The following AGBL4 variants were observed in gnomAD, a reference collection of about 807,000 sequenced individuals.
AGBL4 encodes cytosolic carboxypeptidase 6.
A neutral mutation model predicts 66.4 loss-of-function variants in AGBL4; 58 were observed. That is an observed-to-expected ratio of 0.87 (90% CI 0.71 to 1.09). The LOEUF (loss-of-function observed/expected upper bound fraction) is 1.09, where lower values mean the gene tolerates loss of function less well. AGBL4 is among the 50% of genes least tolerant of loss of function. The pLI is 0.00. For missense variants in AGBL4, 579 were observed against 631.0 expected (o/e 0.92, Z 0.88); for synonymous variants, 234 against 222.9 (o/e 1.05, Z -0.44).
chr1:49,183,950 C>T (rs1221674448), intron 4 of AGBL4, among the ~76,000 whole-genome samples: 2 of 152,118 alleles, frequency 1.3e-5, no homozygotes, highest in South Asian at 2.1e-4. Context: ...AGACTATCTA[C>T]CTGAATTACT....
At chr1:48,880,425 A>T (rs1014480106) in intron 5 of AGBL4, among the ~76,000 whole-genome samples, 4 of 152,146 alleles carry the variant, frequency 2.6e-5, no homozygotes, top group African/African-American at 9.7e-5. Context: ...TGCTGTAAAC[A>T]TACATGTGCA....
intron 3 of AGBL4, among the ~76,000 whole-genome samples, chr1:49,656,184 A>G (rs770416707): frequency 9.0e-4 from 137 of 152,246 alleles, no homozygotes; most frequent in Admixed American, 2.2e-3. Context: ...CCCACCACCA[A>G]TCCCACAGAA....
chr1:49,356,491 A>G (rs546931796), intron 3 of AGBL4, among the ~76,000 whole-genome samples: 28 of 152,344 alleles, frequency 1.8e-4, no homozygotes, highest in Non-Finnish European at 3.4e-4. Context: ...TGTCTCTTCT[A>G]TCACCTTACA....
At chr1:49,171,534 C>T (rs530990893) in intron 4 of AGBL4, among the ~76,000 whole-genome samples, 179 of 151,946 alleles carry the variant, frequency 1.2e-3, no homozygotes, top group African/African-American at 3.9e-3. Context: ...ACCCTGGAAA[C>T]GAGTGATGTA....
intron 6 of AGBL4, among the ~76,000 whole-genome samples, chr1:48,698,315 A>G (rs1356576563): frequency 6.6e-6 from 1 of 152,228 alleles, no homozygotes; most frequent in East Asian, 1.9e-4. Context: ...AAACCAGAGC[A>G]TGGGCCTGGC....
chr1:49,330,918 C>A (rs1296671854), intron 3 of AGBL4, among the ~76,000 whole-genome samples: 1 of 152,104 alleles, frequency 6.6e-6, no homozygotes, highest in Non-Finnish European at 1.5e-5. Flanking sequence ...CCATGGAGAA[C>A]AGAGGAAAGC....
intron 4 of AGBL4, among the ~76,000 whole-genome samples, chr1:49,167,367 C>T (rs1480687431): frequency 1.3e-5 from 2 of 152,186 alleles, no homozygotes; most frequent in Non-Finnish European, 2.9e-5. Flanking sequence ...ATTTCTACTT[C>T]TCTATCTGAC....
chr1:49,097,146 C>G (rs1442487389), intron 4 of AGBL4, among the ~76,000 whole-genome samples: 1 of 152,124 alleles, frequency 6.6e-6, no homozygotes, highest in Non-Finnish European at 1.5e-5. Context: ...AATATACATA[C>G]TTGATGACTA....
chr1:49,275,288 T>A (rs930144698), intron 3 of AGBL4, among the ~76,000 whole-genome samples: 2 of 152,120 alleles, frequency 1.3e-5, no homozygotes, highest in East Asian at 3.9e-4. Flanking sequence ...ATAAAATATA[T>A]CACTTTCTGA....
Position 49,686,705 on chromosome 1 carries a change from A to G in AGBL4, c.282+10608T>C, listed in dbSNP as rs137984394. Among the ~76,000 whole-genome samples, 374 of 152,306 alleles carry G rather than the reference A, an allele frequency of 2.5e-3. 2 individuals are homozygous for G. The highest frequency in any genetic ancestry group is 0.017 in the Middle Eastern group (5 of 294). ...CCTAGAGCAGTATCTGGCACACACAATAAGTATTTATTGAATATAAATAAT... is the reference window on the plus strand; with the variant it reads ...CCTAGAGCAGTATCTGGCACACACAGTAAGTATTTATTGAATATAAATAAT... On this transcript the variant is annotated intron_variant, in intron 3 of 13. Coordinates refer to ENST00000371839, the MANE Select transcript of AGBL4 (RefSeq NM_032785.4).
At chr1:48,759,008 G>T (rs1221628882) in intron 6 of AGBL4, 1 of 1,614,024 alleles carries the variant, frequency 6.2e-7, no homozygotes. Context: ...TTGGCCTGTT[G>T]TACCAGCTGC....
At chr1:49,195,071 G>A (rs1196483200) in intron 4 of AGBL4, among the ~76,000 whole-genome samples, 2 of 151,912 alleles carry the variant, frequency 1.3e-5, no homozygotes, top group East Asian at 3.9e-4. Context: ...TGAATTCCTA[G>A]CTTCAAGTGA....
chr1:48,592,503 C>T (rs1162745648), intron 9 of AGBL4, among the ~76,000 whole-genome samples: 1 of 152,182 alleles, frequency 6.6e-6, no homozygotes, highest in Non-Finnish European at 1.5e-5. Flanking sequence ...AGATGCACTG[C>T]TCTGTGTGAT....
intron 6 of AGBL4, among the ~76,000 whole-genome samples, chr1:48,821,118 G>T (rs1646303029): frequency 6.6e-6 from 1 of 152,166 alleles, no homozygotes; most frequent in Admixed American, 6.6e-5. Flanking sequence ...TATTAGTGTG[G>T]ATGTGGAGAA....
At chr1:49,707,775 T>C (rs1338152791) in intron 2 of AGBL4, among the ~76,000 whole-genome samples, 1 of 152,130 alleles carries the variant, frequency 6.6e-6, no homozygotes, top group Non-Finnish European at 1.5e-5. Context: ...CAGCATTTGA[T>C]TGTCCATAAA....
At chr1:49,494,626 A>G (rs1204504410) in intron 3 of AGBL4, among the ~76,000 whole-genome samples, 1 of 152,086 alleles carries the variant, frequency 6.6e-6, no homozygotes, top group East Asian at 1.9e-4. Context: ...ATGGCTGCAT[A>G]GTATTCCATG....
chr1:48,968,834 A>G (rs1442777775), intron 5 of AGBL4, among the ~76,000 whole-genome samples: 2 of 152,180 alleles, frequency 1.3e-5, no homozygotes, highest in Admixed American at 6.6e-5. Context: ...ACCAGACGGC[A>G]TTCAGCAGAA....
chr1:49,723,475 C>A (rs1558192966), intron 2 of AGBL4, among the ~76,000 whole-genome samples: 1 of 152,044 alleles, frequency 6.6e-6, no homozygotes, highest in East Asian at 1.9e-4. Context: ...GATATCTGTA[C>A]AACTTTATCT....
chr1:48,540,453 TCCTCTG>T (rs1644047919), intron 11 of AGBL4, among the ~76,000 whole-genome samples: 1 of 152,166 alleles, frequency 6.6e-6, no homozygotes, highest in African/African-American at 2.4e-5. Context: ...ACATGTTATT[TCCTCTG>T]CTGAAGTACC....
Sources: allele counts gnomAD v4.1 joint callset (sites outside exome capture counted in the v4.1 genomes callset), GRCh38; gene constraint gnomAD v4.1.1; transcripts MANE v1.5; gene names NCBI Gene and HGNC (gene_info 2026-07-23, HGNC 2026-07-21).